EXOC3L1: variants seen among roughly 807,000 people sequenced by gnomAD.
The protein encoded by EXOC3L1 is exocyst complex component 3 like 1.
In EXOC3L1, 79 loss-of-function variants were observed where a neutral mutation model predicts 83.6. The observed-to-expected ratio is 0.95, with a 90% confidence interval of 0.79 to 1.14. The LOEUF (loss-of-function observed/expected upper bound fraction) is 1.14, where lower values mean the gene tolerates loss of function less well. EXOC3L1 is among the 50% of genes most tolerant of loss of function. The probability of loss-of-function intolerance (pLI) is 0.00; values close to 1 mark genes in which losing one functional copy is unlikely to be tolerated. For missense variants in EXOC3L1, 945 were observed against 972.0 expected (o/e 0.97, Z 0.37); for synonymous variants, 433 against 451.2 (o/e 0.96, Z 0.51).
At chr16:67,188,411 G>C (rs2032789312) in intron 4 of EXOC3L1, among the ~76,000 whole-genome samples, 1 of 152,208 alleles carries the variant, frequency 6.6e-6, no homozygotes, top group African/African-American at 2.4e-5. Flanking sequence ...ATCCTGGAGG[G>C]AAGGCAGGGG....
chr16:67,187,312 C>G lies in EXOC3L1; in HGVS notation c.953G>C (p.Arg318Pro). The G allele has an allele frequency of 6.2e-7, 1 of 1,612,940 alleles. No individual in the cohort carries two copies. Among genetic ancestry groups the G allele is most frequent in the Non-Finnish European group, 8.5e-7 (1 of 1,179,996 alleles). The change falls in exon 5 of 14, where the codon CGC becomes CCC. Residue 318 changes from arginine to proline, a missense_variant. Arg to Pro is a moderately radical substitution (Grantham distance 103). Transcript: ENST00000314586. ...CCCTGCAAGGAGGTTCTGCAGGCTGCGGCGCAAACCACTATGCAGCGTGTG... is the reference window on the plus strand; with the variant it reads ...CCCTGCAAGGAGGTTCTGCAGGCTGGGGCGCAAACCACTATGCAGCGTGTG... Reference protein sequence around the residue: ...WAHTLHSGLRRSLQNLLAGPE... With the variant: ...WAHTLHSGLRPSLQNLLAGPE...
rs751406646 is a variant in EXOC3L1 at position 67,186,891 on chromosome 16, G to A, written c.1159-7C>T. 2.6e-5 allele frequency: 42 copies of A among 1,613,382 alleles called. 1 individual carries two copies. In the Admixed American group the frequency reaches 6.7e-4, roughly 26 times the overall value. On this transcript the variant is annotated splice_region_variant and splice_polypyrimidine_tract_variant and intron_variant, in intron 6 of 13. Transcript: ENST00000314586. The stretch of plus-strand genomic sequence containing the variant: ...GCCACTGAGACACACTTGCCTGGGG[G>A]GAGGGGCCAGGGGCAAAGGAATGTA...
At position 67,187,040 on chromosome 16, in the gene EXOC3L1, G is replaced by A; in HGVS notation, c.1139C>T (p.Thr380Ile). The A allele has an allele frequency of 3.7e-6, 6 of 1,613,688 alleles. No homozygotes were observed. Among genetic ancestry groups the A allele is most frequent in the Non-Finnish European group, 5.1e-6 (6 of 1,180,026 alleles). Residue 380 changes from threonine (T) to isoleucine (I), a missense_variant, in exon 6 of 14, where the codon ACA becomes ATA. Thr to Ile is a moderately conservative substitution (Grantham distance 89). Coordinates refer to ENST00000314586, the MANE Select transcript of EXOC3L1 (RefSeq NM_178516.4). ...ACTCACCTGGATGTTGGCCACAAAT[G>A]TTGCCTCCAGCTGCTCAATGTTCTC... ...TLENIEQLEATFVANIQASVS... is the reference protein window; with the variant it reads ...TLENIEQLEAIFVANIQASVS...
At position 67,185,304 on chromosome 16, in the gene EXOC3L1, C is replaced by G. The variant is rs775693031; in HGVS notation, c.1627-46G>C. 11 of 1,613,022 alleles carry G rather than the reference C, an allele frequency of 6.8e-6. No homozygotes were observed. The African/African-American group carries it at 1.2e-4, about 18-fold the overall frequency. The stretch of plus-strand genomic sequence containing the variant: ...TGGCATTGCCGCGGAGACCCCCATA[C>G]GTAGCTGTACCGCCACCTCTCCACC... On this transcript the variant is annotated intron_variant, in intron 10 of 13. Coordinates refer to ENST00000314586, the MANE Select transcript of EXOC3L1 (RefSeq NM_178516.4).
chr16:67,185,208 G>A lies in EXOC3L1; in HGVS notation c.1677C>T (p.Leu559=). 1 of 1,613,106 alleles carries A rather than the reference G, an allele frequency of 6.2e-7. No individual in the cohort carries two copies. Among genetic ancestry groups the A allele is most frequent in the Non-Finnish European group, 8.5e-7 (1 of 1,179,938 alleles). ...PSRQWLSSPE[L]LQSVCERTGR... is the part of the protein sequence containing the mutation. ...CCGTCCGTTCACACACACTTTGCAG[G>A]AGCTCAGGGCTCGACAGCCATTGGC... The change falls in exon 11 of 14, where the codon CTC becomes CTT. Residue 559 remains leucine, a synonymous_variant. Coordinates refer to ENST00000314586, the MANE Select transcript of EXOC3L1 (RefSeq NM_178516.4).
At position 67,189,079 on chromosome 16, in the gene EXOC3L1, G is replaced by C. The variant is rs777023609; in HGVS notation, c.148C>G (p.Leu50Val). 9.3e-6 allele frequency: 15 copies of C among 1,607,864 alleles called. No homozygotes were observed. The African/African-American group carries it at 1.7e-4, about 19-fold the overall frequency. The change falls in exon 3 of 14, where the codon CTA (leucine) becomes GTA (valine). Residue 50 changes from leucine to valine, a missense_variant. Transcript: ENST00000314586. ...IFYRPEQLAR[L>V]GQYRSREVQR... ...ACCTCGCGGCTGCGGTACTGGCCTA[G>C]CCTGGCCAGCTGCTCCGGCCGGTAG...
chr16:67,187,026 TG>T lies in EXOC3L1; in HGVS notation c.1152del (p.Asn384LysfsTer18). ...IEQLEATFVA[N>X]IQASVSQWLQ... ...CCTGTGCCTCAACTACTCACCTGGA[TG>T]TTGGCCACAAATGTTGCCTCCAGCT... is the stretch of plus-strand genomic sequence containing the variant. On this transcript the variant is annotated frameshift_variant, in exon 6 of 14. Coordinates refer to ENST00000314586, the MANE Select transcript of EXOC3L1 (RefSeq NM_178516.4). LOFTEE classifies it high-confidence loss of function. 1 of 1,613,694 alleles carries T rather than the reference TG, an allele frequency of 6.2e-7. No individual in the cohort carries two copies. The highest frequency in any genetic ancestry group is 8.5e-7 in the Non-Finnish European group (1 of 1,180,016).
chr16:67,184,442 G>T lies in EXOC3L1; in HGVS notation c.2193C>A (p.Ser731=). ...LVPAPALAPA[S]CLPSGSCARA... is the part of the protein sequence containing the mutation. ...GGGCGCAGGACCCCGAGGGCAGGCA[G>T]GAGGCCGGCGCGAGCGCGGGCGCGG... The change falls in exon 14 of 14, where the codon TCC becomes TCA. Residue 731 remains serine (S), a synonymous_variant. Coordinates refer to ENST00000314586, the MANE Select transcript of EXOC3L1 (RefSeq NM_178516.4). 6.5e-7 allele frequency: 1 copy of T among 1,529,880 alleles called. No individual in the cohort carries two copies. Among genetic ancestry groups the T allele is most frequent in the Non-Finnish European group, 8.7e-7 (1 of 1,144,342 alleles). The allele number at this position is 1,529,880 out of a possible 1,614,324, so 94.8% of individuals were successfully genotyped here. A position where few individuals can be genotyped will look rare whatever the true frequency, so the allele number is the denominator to read the frequency against.
At position 67,187,248 on chromosome 16, in the gene EXOC3L1, G is replaced by C. The variant is rs2032755660; in HGVS notation, c.1017C>G (p.His339Gln). The change falls in exon 5 of 14, where the codon CAC becomes CAG. Residue 339 changes from histidine (H) to glutamine (Q), a missense_variant. Physicochemically the swap from His to Gln is conservative, Grantham distance 24. Coordinates refer to ENST00000314586, the MANE Select transcript of EXOC3L1 (RefSeq NM_178516.4). Reference protein sequence around the residue: ...LEAADAFALLHWALHVYLGQE... With the variant: ...LEAADAFALLQWALHVYLGQE... ...ACCCCAGGTACACATGCAGTGCCCA[G>C]TGCAGCAAGGCGAAGGCATCCGCAG... The C allele has an allele frequency of 1.2e-6, 2 of 1,612,100 alleles. No homozygotes were observed. Among genetic ancestry groups the C allele is most frequent in the Admixed American group, 1.7e-5 (1 of 59,984 alleles).
chr16:67,187,782 C>G lies in EXOC3L1; in HGVS notation c.483G>C (p.Glu161Asp). The stretch of plus-strand genomic sequence containing the variant: ...CCAGCTCCCGAAGGCTCACATATGC[C>G]TCCAAGAACTGTTGGCCATCAATCA... ...QTLIDGQQFL[E>D]AYVSLRELEQ... The change falls in exon 5 of 14, where the codon GAG becomes GAC. Residue 161 changes from glutamate to aspartate, a missense_variant. Physicochemically the swap from Glu to Asp is conservative, Grantham distance 45 (BLOSUM62 2). Transcript: ENST00000314586. 1 of 1,611,700 alleles carries G rather than the reference C, an allele frequency of 6.2e-7. No individual in the cohort carries two copies. Among genetic ancestry groups the G allele is most frequent in the Non-Finnish European group, 8.5e-7 (1 of 1,179,206 alleles).
chr16:67,187,463 C>T lies in EXOC3L1; in HGVS notation c.802G>A (p.Ala268Thr), dbSNP rs1222115028. 1.2e-6 allele frequency: 2 copies of T among 1,607,994 alleles called. No individual in the cohort carries two copies. The highest frequency in any genetic ancestry group is 1.7e-6 in the Non-Finnish European group (2 of 1,179,726). ...QAHFGSPLLP[A>T]PGALPGWLEA... Reference sequence around the variant, plus strand: ...AGCCACCCTGGTAGGGCCCCTGGTGCAGGCAGCAGAGGTGACCCAAAGTGG... The same window carrying T: ...AGCCACCCTGGTAGGGCCCCTGGTGTAGGCAGCAGAGGTGACCCAAAGTGG... Residue 268 changes from alanine (A) to threonine (T), a missense_variant, in exon 5 of 14, where the codon GCA becomes ACA. Ala to Thr is a moderately conservative substitution (Grantham distance 58). Coordinates refer to ENST00000314586, the MANE Select transcript of EXOC3L1 (RefSeq NM_178516.4).
chr16:67,188,967 G>T, intron 3 of EXOC3L1, 27 bp from the exon 4 acceptor site: 1 of 1,609,904 alleles, frequency 6.2e-7, no homozygotes, highest in Non-Finnish European at 8.5e-7. Context: ...CCATGAGGCT[G>T]GGCCAGCCCT....
intron 2 of EXOC3L1, 152 bp from the exon 3 acceptor site, chr16:67,189,332 A>G (rs560066444): frequency 1.1e-6 from 1 of 929,074 alleles, no homozygotes; most frequent in Non-Finnish European, 1.5e-6. Context: ...GCTGGAGTGC[A>G]GTGGTGCAAT....
At chr16:67,185,560 T>A (rs2032681654) in intron 9 of EXOC3L1, 70 bp from the exon 10 acceptor site, 2 of 1,433,950 alleles carry the variant, frequency 1.4e-6, no homozygotes, top group African/African-American at 2.8e-5. Context: ...GTCCAGACCC[T>A]CCGGCGCCAC....
chr16:67,189,156 C>G lies in EXOC3L1; in HGVS notation c.71G>C (p.Arg24Pro). 6.2e-7 allele frequency: 1 copy of G among 1,605,024 alleles called. No homozygotes were observed. The highest frequency in any genetic ancestry group is 8.5e-7 in the Non-Finnish European group (1 of 1,178,494). Residue 24 changes from arginine (R) to proline (P), a missense_variant, in exon 3 of 14, where the codon CGG (arginine) becomes CCG (proline). Arg to Pro is a moderately radical substitution (Grantham distance 103). Coordinates refer to ENST00000314586, the MANE Select transcript of EXOC3L1 (RefSeq NM_178516.4). ...TGCACCCCGGGCCAGCTGCTCTGCC[C>G]GCTCCTGCTCTGGCCACTCAGGTCC... ...SPGPEWPEQERAEQLARGAAL... is the reference protein window; with the variant it reads ...SPGPEWPEQEPAEQLARGAAL...
At chr16:67,187,953 A>G (rs1175360554) in intron 4 of EXOC3L1, 116 bp from the exon 5 acceptor site, 5 of 1,379,102 alleles carry the variant, frequency 3.6e-6, no homozygotes, top group Admixed American at 2.5e-5. Context: ...TTTAACAACC[A>G]GTAGAGTAAG....
chr16:67,189,516 A>G, intron 2 of EXOC3L1, 115 bp downstream of exon 2: 2 of 1,258,278 alleles, frequency 1.6e-6, no homozygotes, highest in Non-Finnish European at 2.3e-6. Context: ...ACCTCAGGTC[A>G]TCTGCCCATC....
At chr16:67,187,187 T>G (rs1314764628) in intron 5 of EXOC3L1, 38 bp downstream of exon 5, 1 of 1,611,184 alleles carries the variant, frequency 6.2e-7, no homozygotes, top group African/African-American at 1.3e-5. Context: ...GCCCCCAGCC[T>G]CTGATCCCCC....
At chr16:67,189,878 C>G (rs771308347) in intron 1 of EXOC3L1, 93 bp downstream of exon 1, 9 of 604,956 alleles carry the variant, frequency 1.5e-5, no homozygotes, top group East Asian at 2.8e-5. Flanking sequence ...AGTCGTGCCC[C>G]TGCAGATGTC....
Sources: gnomAD v4.1 joint callset for allele counts (sites outside exome capture counted in the v4.1 genomes callset) on GRCh38, gnomAD v4.1.1 for gene constraint, MANE v1.5 for transcripts, NCBI Gene and HGNC (gene_info 2026-07-23, HGNC 2026-07-21) for gene names.